Variants in DHRSX observed in about 807,000 individuals in gnomAD.
DHRSX encodes polyprenol dehydrogenase.
In DHRSX, 31 loss-of-function variants were observed where a neutral mutation model predicts 34.0. That is an observed-to-expected ratio of 0.91 (90% CI 0.69 to 1.23). The LOEUF is 1.23. DHRSX is among the 50% of genes most tolerant of loss of function. The probability of loss-of-function intolerance (pLI) is 0.00; values close to 1 mark genes in which losing one functional copy is unlikely to be tolerated. For missense variants in DHRSX, 414 were observed against 428.1 expected (o/e 0.97, Z 0.29); for synonymous variants, 201 against 183.8 (o/e 1.09, Z -0.76).
At chrX:2,347,987 A>G (rs989425934) in intron 3 of DHRSX, among the ~76,000 whole-genome samples, 10 of 152,024 alleles carry the variant, frequency 6.6e-5, no homozygotes, top group Non-Finnish European at 1.5e-4. Flanking sequence ...CAGAAACCCC[A>G]TACACCCATG....
intron 4 of DHRSX, among the ~76,000 whole-genome samples, chrX:2,268,351 T>C (rs1388486332): frequency 6.6e-6 from 1 of 152,252 alleles, no homozygotes; most frequent in Non-Finnish European, 1.5e-5. Flanking sequence ...ATGGATAATG[T>C]AGATGTGTAT....
Position 2,465,827 on chromosome X carries a change from G to GAAGAAAAAAGAAA in DHRSX, c.109+34989_109+34990insTTTCTTTTTTCTT, listed in dbSNP as rs1478487140. ...TCCATCGCAAAAAAAAAAAAAAAAA[G>GAAGAAAAAAGAAA]AGAAAAGAAAACAGACATATTCATG... On this transcript the variant is annotated intron_variant, in intron 1 of 6. Coordinates refer to ENST00000334651, the MANE Select transcript of DHRSX (RefSeq NM_145177.3). Among the ~76,000 whole-genome samples the GAAGAAAAAAGAAA allele has an allele frequency of 3.0e-5, 4 of 134,302 alleles. No homozygotes were observed. In the East Asian group the frequency reaches 8.4e-4, roughly 28 times the overall value. 88.1% of individuals were successfully genotyped at this position (134,302 alleles called of 152,430 possible). A position where few individuals can be genotyped will look rare whatever the true frequency, so the allele number is the denominator to read the frequency against.
At chrX:2,325,594 T>C (rs1433831385) in intron 3 of DHRSX, among the ~76,000 whole-genome samples, 4 of 152,116 alleles carry the variant, frequency 2.6e-5, no homozygotes, top group African/African-American at 4.8e-5. Context: ...CTGTGGGCTA[T>C]GTAAATGTCA....
rs1440173293 is a variant in DHRSX, at chrX:2,276,465, A to G, written c.389-9518T>C. On this transcript the variant is annotated intron_variant, in intron 4 of 6. Coordinates refer to ENST00000334651, the MANE Select transcript of DHRSX (RefSeq NM_145177.3). ...AAAACTATCGTCCATCGATCTGCCA[A>G]TTCAAAGGTGGAAAATAAACAGTAA... Among the ~76,000 whole-genome samples, 6 of 152,306 alleles carry G rather than the reference A, an allele frequency of 3.9e-5. No homozygotes were observed. In the East Asian group the frequency reaches 9.6e-4, roughly 24 times the overall value.
At chrX:2,316,867 C>T (rs1026127008) in intron 3 of DHRSX, among the ~76,000 whole-genome samples, 3 of 152,164 alleles carry the variant, frequency 2.0e-5, no homozygotes, top group African/African-American at 7.2e-5. Context: ...AGGCAAGCCT[C>T]CATTAGTTTA....
chrX:2,231,452 CCT>C lies in DHRSX; in HGVS notation c.805-10225_805-10224del, dbSNP rs577039928. ...CTTTTTCTCTTTTTCTCTCTCTATT[CCT>C]CTTTCTCTTCCTCCCCCATCTTATC... On this transcript the variant is annotated intron_variant, in intron 6 of 6. Coordinates refer to ENST00000334651, the MANE Select transcript of DHRSX (RefSeq NM_145177.3). Among the ~76,000 whole-genome samples, 897 of 151,016 alleles carry C rather than the reference CCT, an allele frequency of 5.9e-3. 5 individuals are homozygous for C. Among genetic ancestry groups the C allele is most frequent in the Middle Eastern group, 0.021 (6 of 292 alleles).
intron 6 of DHRSX, among the ~76,000 whole-genome samples, chrX:2,239,929 T>C (rs112321597): frequency 0.028 from 4,242 of 152,302 alleles, 226 homozygotes; most frequent in African/African-American, 0.097. Flanking sequence ...AAATAACTAA[T>C]ATTTTGAAAT....
intron 6 of DHRSX, among the ~76,000 whole-genome samples, chrX:2,224,473 T>C (rs752771137): frequency 1.3e-5 from 2 of 152,312 alleles, no homozygotes; most frequent in African/African-American, 2.4e-5. Flanking sequence ...ATACCACCTG[T>C]GCTATGTTGA....
chrX:2,226,308 C>T (rs1292210119), intron 6 of DHRSX, among the ~76,000 whole-genome samples: 3 of 152,132 alleles, frequency 2.0e-5, no homozygotes. Context: ...AGCAATTACT[C>T]GAGTTCCCCT....
At chrX:2,236,097 G>A (rs2016008527) in intron 6 of DHRSX, among the ~76,000 whole-genome samples, 1 of 151,574 alleles carries the variant, frequency 6.6e-6, no homozygotes, top group Admixed American at 6.6e-5. Context: ...GGGTGACAGG[G>A]TGAGACTCCG....
intron 1 of DHRSX, among the ~76,000 whole-genome samples, chrX:2,493,233 C>A (rs187644661): frequency 1.3e-5 from 2 of 152,170 alleles, no homozygotes. Context: ...CCCTGGATTA[C>A]ACAGTCAACG....
chrX:2,474,834 C>T (rs66963190), intron 1 of DHRSX, among the ~76,000 whole-genome samples: 2 of 149,484 alleles, frequency 1.3e-5, no homozygotes, highest in African/African-American at 2.5e-5. Flanking sequence ...GTTCCCTAAG[C>T]TTGTGGCTAA....
At chrX:2,489,786 G>C in intron 1 of DHRSX, 1 of 1,613,474 alleles carries the variant, frequency 6.2e-7, no homozygotes, top group Non-Finnish European at 8.5e-7. Flanking sequence ...CAGCGCGACA[G>C]CAGCGCCCCC....
rs1347741615 is a variant in DHRSX at position 2,441,355 on chromosome X, A to C, written c.110-16051T>G. Among the ~76,000 whole-genome samples the C allele has an allele frequency of 3.3e-5, 5 of 152,238 alleles. No homozygotes were observed. In the East Asian group the frequency reaches 9.6e-4, roughly 29 times the overall value. ...TGACGTGTCTTCAAGTCTGAAAGGA[A>C]CCTGGTCCTTCCATTCCCTGGATGC... is the stretch of plus-strand genomic sequence containing the variant. On this transcript the variant is annotated intron_variant, in intron 1 of 6. Transcript: ENST00000334651.
At chrX:2,450,533 A>T (rs2044202241) in intron 1 of DHRSX, among the ~76,000 whole-genome samples, 1 of 152,020 alleles carries the variant, frequency 6.6e-6, no homozygotes, top group East Asian at 1.9e-4. Context: ...AACTATAAAC[A>T]ATTTTAGGCA....
At chrX:2,376,541 G>C (rs1194019822) in intron 3 of DHRSX, among the ~76,000 whole-genome samples, 1 of 137,520 alleles carries the variant, frequency 7.3e-6, no homozygotes, top group African/African-American at 2.5e-5. Flanking sequence ...TGTCCACCCA[G>C]AACCTAGGAA....
intron 1 of DHRSX, among the ~76,000 whole-genome samples, chrX:2,431,248 C>T (rs2043917429): frequency 6.7e-6 from 1 of 149,792 alleles, no homozygotes; most frequent in African/African-American, 2.5e-5. Flanking sequence ...TGGCGTGAAC[C>T]TGGGAGGTAG....
intron 5 of DHRSX, among the ~76,000 whole-genome samples, chrX:2,243,786 C>T (rs183628235): frequency 0.095 from 2,355 of 24,872 alleles, 134 homozygotes; most frequent in African/African-American, 0.17. Flanking sequence ...ACTATGCTCC[C>T]TGTTTTTTTT....
At chrX:2,354,000 C>T (rs1445631037) in intron 3 of DHRSX, among the ~76,000 whole-genome samples, 1 of 152,068 alleles carries the variant, frequency 6.6e-6, no homozygotes, top group African/African-American at 2.4e-5. Flanking sequence ...TTCACAAGCC[C>T]CTTTCCATGA....
Sources: gnomAD v4.1 joint callset for allele counts (sites outside exome capture counted in the v4.1 genomes callset) on GRCh38, gnomAD v4.1.1 for gene constraint, MANE v1.5 for transcripts, NCBI Gene and HGNC (gene_info 2026-07-23, HGNC 2026-07-21) for gene names.